Variants in ATAD3A observed in about 807,000 individuals in gnomAD.
ATAD3A encodes ATPase family AAA domain-containing protein 3A.
A neutral mutation model predicts 73.8 loss-of-function variants in ATAD3A; 46 were observed. The observed-to-expected ratio is 0.62, with a 90% CI of 0.49 to 0.80. The LOEUF is 0.80. Ranked by LOEUF, ATAD3A falls within the 30% of genes least tolerant of loss-of-function variation. ATAD3A has a pLI of 0.00. For missense variants in ATAD3A, 705 were observed against 838.0 expected (o/e 0.84, Z 1.96); for synonymous variants, 319 against 350.0 (o/e 0.91, Z 0.99).
chr1:1,525,395 G>T, intron 12 of ATAD3A, 104 bp downstream of exon 12: 2 of 1,307,330 alleles, frequency 1.5e-6, no homozygotes, highest in Non-Finnish European at 2.1e-6. Context: ...TTCTCTGTAA[G>T]CTTTGTGTGA....
chr1:1,534,447 G>A lies in ATAD3A; in HGVS notation c.*375G>A. On this transcript the variant is annotated 3_prime_UTR_variant, in exon 16 of 16. Coordinates refer to ENST00000378756, the MANE Select transcript of ATAD3A (RefSeq NM_001170535.3). ...CAGGCAGGTGATGTCTTTGTTCTCG[G>A]CTCCCACAGCAGAGCCAGGTGAGGG... 2 of 1,220,476 alleles carry A rather than the reference G, an allele frequency of 1.6e-6. No individual in the cohort carries two copies. Among genetic ancestry groups the A allele is most frequent in the Non-Finnish European group, 2.1e-6 (2 of 956,472 alleles). The allele number at this position is 1,220,476 out of a possible 1,614,324, so 75.6% of individuals were successfully genotyped here.
Position 1,534,491 on chromosome 1 carries a change from A to T in ATAD3A, c.*419A>T. 1 of 915,614 alleles carries T rather than the reference A, an allele frequency of 1.1e-6. No individual in the cohort carries two copies. Among genetic ancestry groups the T allele is most frequent in the Non-Finnish European group, 1.4e-6 (1 of 698,018 alleles). The allele number at this position is 915,614 out of a possible 1,614,324, so 56.7% of individuals were successfully genotyped here. On this transcript the variant is annotated 3_prime_UTR_variant, in exon 16 of 16. Transcript: ENST00000378756. Reference sequence around the variant, plus strand: ...GTGAGGGGGCGCCTGCCAGGGCCAGACCCAGGTGGGGCAGCCTGAACCCTG... The same window carrying T: ...GTGAGGGGGCGCCTGCCAGGGCCAGTCCCAGGTGGGGCAGCCTGAACCCTG...
chr1:1,525,371 T>C lies in ATAD3A; in HGVS notation c.1266+80T>C. 7 of 1,556,784 alleles carry C rather than the reference T, an allele frequency of 4.5e-6. No individual in the cohort carries two copies. The South Asian group carries it at 7.8e-5, about 17-fold the overall frequency. ...CTGCCTGGGCCAGGCTGCAGCCCTC[T>C]GTTCAGTTTCTTTTTCTCTGTAAGC... On this transcript the variant is annotated intron_variant, in intron 12 of 15. Transcript: ENST00000378756.
chr1:1,518,758 G>A (rs143003955), intron 4 of ATAD3A, among the ~76,000 whole-genome samples, 163 bp from the exon 5 acceptor site: 3,153 of 143,286 alleles, frequency 0.022, 111 homozygotes, highest in African/African-American at 0.077. Flanking sequence ...ACAGTCACCC[G>A]CCTGCACATT....
chr1:1,522,477 C>T (rs952696777), intron 7 of ATAD3A, among the ~76,000 whole-genome samples: 5 of 152,238 alleles, frequency 3.3e-5, no homozygotes, highest in African/African-American at 1.2e-4. Flanking sequence ...TCCAGGGCCC[C>T]GCTCAGCGAC....
At chr1:1,516,947 G>C (rs1641378110) in intron 2 of ATAD3A, 1 of 745,324 alleles carries the variant, frequency 1.3e-6, no homozygotes, top group East Asian at 2.9e-5. Context: ...ACTAACCTCA[G>C]TTGATCCACC....
At chr1:1,516,943 C>T in intron 2 of ATAD3A, 1 of 708,422 alleles carries the variant, frequency 1.4e-6, no homozygotes. Flanking sequence ...AACTACTAAC[C>T]TCAGTTGATC....
intron 2 of ATAD3A, chr1:1,517,047 G>C: frequency 6.8e-7 from 1 of 1,462,822 alleles, no homozygotes; most frequent in Non-Finnish European, 9.1e-7. Flanking sequence ...CATGAGCTCT[G>C]CCCTCAGTGC....
Position 1,532,868 on chromosome 1 carries a change from A to G in ATAD3A, c.1615-1058A>G, listed in dbSNP as rs925265791. 3.2e-4 allele frequency among the ~76,000 whole-genome samples: 49 copies of G among 151,884 alleles called. 1 individual carries two copies. The highest frequency in any genetic ancestry group is 6.6e-4 in the Non-Finnish European group (45 of 67,960). On this transcript the variant is annotated intron_variant, in intron 15 of 15. Transcript: ENST00000378756. ...CCACAGTGGCGGTGCGGCTCTGGTC[A>G]GTGTCTCCTGCACTCCGGGGCCCCT...
rs1170122389 is a variant in ATAD3A at position 1,520,951 on chromosome 1, G to C, written c.750+334G>C. Among the ~76,000 whole-genome samples the C allele has an allele frequency of 2.6e-5, 4 of 152,074 alleles. No individual in the cohort carries two copies. The highest frequency in any genetic ancestry group is 5.9e-5 in the Non-Finnish European group (4 of 68,000). ...CCCAGGGAGGTTGCAGCTGCACTGA[G>C]CTGAGATCGCAGCACTGCACTCCAT... On this transcript the variant is annotated intron_variant, in intron 7 of 15. Transcript: ENST00000378756. This position sits in a 1 kb window ranked among gnomAD's most constrained non-coding sequence, Gnocchi z 4.0.
chr1:1,528,508 G>C (rs1475358077), intron 14 of ATAD3A, among the ~76,000 whole-genome samples: 1 of 152,248 alleles, frequency 6.6e-6, no homozygotes, highest in Non-Finnish European at 1.5e-5. Flanking sequence ...GAGCCTCGTG[G>C]TGTGGGGCAC....
intron 2 of ATAD3A, among the ~76,000 whole-genome samples, chr1:1,516,769 G>C (rs140098719): frequency 6.6e-6 from 1 of 151,998 alleles, no homozygotes; most frequent in Non-Finnish European, 1.5e-5. Context: ...CCAGGCCGGT[G>C]TGCAGTGGCG....
intron 1 of ATAD3A, among the ~76,000 whole-genome samples, chr1:1,515,644 A>G (rs1311846172): frequency 1.3e-5 from 2 of 152,176 alleles, no homozygotes; most frequent in Admixed American, 1.3e-4. Flanking sequence ...CAGATCAATG[A>G]CAACAGCCAT....
At chr1:1,516,697 G>A (rs985855294) in intron 2 of ATAD3A, among the ~76,000 whole-genome samples, 6 of 152,002 alleles carry the variant, frequency 3.9e-5, no homozygotes, top group African/African-American at 1.2e-4. Context: ...ACAGGCTTGT[G>A]CCACTGTGCC....
chr1:1,530,686 G>A lies in ATAD3A; in HGVS notation c.1614+1355G>A, dbSNP rs189022728. ...CTACTAAAAATACAAAAAATTAGCC[G>A]GGCGTAGTGGCGGGCGCCTGTAGTC... On this transcript the variant is annotated intron_variant, in intron 15 of 15. Transcript: ENST00000378756. Among the ~76,000 whole-genome samples the A allele has an allele frequency of 7.8e-3, 970 of 123,614 alleles. 213 individuals are homozygous for A. The East Asian group carries it at 0.17, about 22-fold the overall frequency. 81.1% of individuals were successfully genotyped at this position (123,614 alleles called of 152,430 possible). A position where few individuals can be genotyped will look rare whatever the true frequency, so the allele number is the denominator to read the frequency against.
chr1:1,527,663 C>G (rs1641895144), intron 13 of ATAD3A, 32 bp from the exon 14 acceptor site: 1 of 1,587,660 alleles, frequency 6.3e-7, no homozygotes, highest in Non-Finnish European at 8.6e-7. Context: ...GCCGGCAGCC[C>G]CAGCATCCTC....
chr1:1,516,354 G>C (rs1570320724), intron 2 of ATAD3A, among the ~76,000 whole-genome samples: 1 of 152,112 alleles, frequency 6.6e-6, no homozygotes, highest in African/African-American at 2.4e-5. Context: ...AGGGCGTCTG[G>C]TCGTCCGGAT....
Position 1,522,825 on chromosome 1 carries a change from C to T in ATAD3A, c.832C>T (p.Arg278Trp), listed in dbSNP as rs779199396. The T allele has an allele frequency of 1.5e-5, 24 of 1,610,696 alleles. No individual in the cohort carries two copies. In the African/African-American group the frequency reaches 1.9e-4, roughly 13 times the overall value. ...TLVAGRFIEA[R>W]LGKPSLVRET... is the part of the protein sequence containing the mutation. ...TGTCGCCGGCCGCTTCATCGAGGCT[C>T]GGCTGGGGAAGCCGTCCCTAGTGAG... The change falls in exon 8 of 16, where the codon CGG becomes TGG. Residue 278 changes from arginine to tryptophan, a missense_variant. Physicochemically the swap from Arg to Trp is moderately radical, Grantham distance 101. Around this residue, in one of 5 missense-constraint regions of ATAD3A, gnomAD observed 315 missense variants for 334.1 expected, o/e 0.94. Coordinates refer to ENST00000378756, the MANE Select transcript of ATAD3A (RefSeq NM_001170535.3).
chr1:1,516,999 G>A lies in ATAD3A; in HGVS notation c.283-312G>A, dbSNP rs556202166. The A allele has an allele frequency of 3.6e-5, 48 of 1,317,494 alleles. No individual in the cohort carries two copies. The East Asian group carries it at 8.7e-4, about 24-fold the overall frequency. The allele number at this position is 1,317,494 out of a possible 1,614,324, so 81.6% of individuals were successfully genotyped here. A position where few individuals can be genotyped will look rare whatever the true frequency, so the allele number is the denominator to read the frequency against. On this transcript the variant is annotated intron_variant, in intron 2 of 15. Coordinates refer to ENST00000378756, the MANE Select transcript of ATAD3A (RefSeq NM_001170535.3). ...AGTGCTGGGATTATAAGCGAGAGCC[G>A]TCGCACCCGGTCCACTCAGCAGGAT...
Sources: allele counts gnomAD v4.1 joint callset (sites outside exome capture counted in the v4.1 genomes callset), GRCh38; gene constraint gnomAD v4.1.1; regional missense constraint gnomAD v4.1.1; non-coding constraint Gnocchi (gnomAD v3.1); transcripts MANE v1.5; gene names NCBI Gene and HGNC (gene_info 2026-07-23, HGNC 2026-07-21).